LRP1B: variants seen among roughly 807,000 people sequenced by gnomAD.
The protein encoded by LRP1B is low-density lipoprotein receptor-related protein 1B.
In LRP1B, 217 loss-of-function variants were observed where a neutral mutation model predicts 556.6. The observed-to-expected ratio is 0.39, with a 90% CI of 0.35 to 0.44. The LOEUF (loss-of-function observed/expected upper bound fraction) is 0.44, where lower values mean the gene tolerates loss of function less well. Ranked by LOEUF, LRP1B falls within the 20% of genes least tolerant of loss-of-function variation. The pLI, the probability that LRP1B is intolerant of heterozygous loss-of-function variation, is 1.00. For synonymous variants in LRP1B, 2,047 were observed against 1,865.8 expected (o/e 1.10, Z -2.50); for missense variants, 5,053 against 5,620.8 (o/e 0.90, Z 3.23).
chr2:141,532,131 T>TGAGCTACA (rs1360264090), intron 2 of LRP1B, among the ~76,000 whole-genome samples: 1 of 152,180 alleles, frequency 6.6e-6, no homozygotes, highest in Non-Finnish European at 1.5e-5. Flanking sequence ...CTCAACTAAT[T>TGAGCTACA]GTATTGTTGG....
chr2:141,271,784 A>AC (rs34286733), intron 3 of LRP1B, among the ~76,000 whole-genome samples: 2,204 of 148,092 alleles, frequency 0.015, 25 homozygotes, highest in Middle Eastern at 0.036. Context: ...AAAAAAAAAA[A>AC]CCCAGGATTG....
At chr2:141,597,802 G>A (rs1687577470) in intron 2 of LRP1B, among the ~76,000 whole-genome samples, 1 of 151,782 alleles carries the variant, frequency 6.6e-6, no homozygotes, top group South Asian at 2.1e-4. Flanking sequence ...ATATTTAAAT[G>A]ATGAACAGTC....
At chr2:141,684,197 C>T (rs1217465499) in intron 2 of LRP1B, among the ~76,000 whole-genome samples, 1 of 152,012 alleles carries the variant, frequency 6.6e-6, no homozygotes, top group Non-Finnish European at 1.5e-5. Context: ...AGACTTGGAA[C>T]CAACCCAAAT....
At chr2:141,055,086 G>T (rs190790010) in intron 10 of LRP1B, 30 bp downstream of exon 10, 1 of 1,609,406 alleles carries the variant, frequency 6.2e-7, no homozygotes, top group Non-Finnish European at 8.5e-7. Flanking sequence ...AGGGGTAGCT[G>T]CTGGCAAATG....
chr2:140,606,669 A>G (rs1369258315), intron 41 of LRP1B, among the ~76,000 whole-genome samples: 3 of 152,090 alleles, frequency 2.0e-5, no homozygotes, highest in Non-Finnish European at 4.4e-5. Context: ...AGCTACATGT[A>G]CCAGAAAAGT....
chr2:140,980,766 A>G (rs1420006524), intron 18 of LRP1B, among the ~76,000 whole-genome samples: 2 of 152,224 alleles, frequency 1.3e-5, no homozygotes, highest in African/African-American at 4.8e-5. Context: ...AACAGAAGCC[A>G]TTATATGAAA....
chr2:140,924,909 TC>T (rs1431019160), intron 20 of LRP1B, among the ~76,000 whole-genome samples: 1 of 152,116 alleles, frequency 6.6e-6, no homozygotes, highest in Non-Finnish European at 1.5e-5. Flanking sequence ...TTATTTAGTG[TC>T]TGCAGAGTGC....
chr2:141,549,330 C>G lies in LRP1B; in HGVS notation c.206-68797G>C, dbSNP rs377705667. Among the ~76,000 whole-genome samples, 9 of 152,148 alleles carry G rather than the reference C, an allele frequency of 5.9e-5. No individual in the cohort carries two copies. The East Asian group carries it at 1.7e-3, about 29-fold the overall frequency. On this transcript the variant is annotated intron_variant, in intron 2 of 90. Coordinates refer to ENST00000389484, the MANE Select transcript of LRP1B (RefSeq NM_018557.3). ...AGGATAGAAGCTGGCACAAAGTGAG[C>G]CCTCACTGTTAGCTAATTTTCAGAT...
intron 2 of LRP1B, among the ~76,000 whole-genome samples, chr2:141,743,850 C>T (rs1341522187): frequency 6.6e-6 from 1 of 151,802 alleles, no homozygotes; most frequent in African/African-American, 2.4e-5. Flanking sequence ...AGTTGTAATG[C>T]CTCTTTTTTC....
chr2:141,911,487 T>A (rs887637849), intron 1 of LRP1B, among the ~76,000 whole-genome samples: 1 of 152,192 alleles, frequency 6.6e-6, no homozygotes, highest in African/African-American at 2.4e-5. Flanking sequence ...ACCCAGCCAG[T>A]TCCAAACTCA....
intron 2 of LRP1B, among the ~76,000 whole-genome samples, chr2:141,777,603 C>G (rs540560933): frequency 2.6e-5 from 4 of 151,850 alleles, no homozygotes; most frequent in Non-Finnish European, 4.4e-5. Flanking sequence ...TTAGTAGAGA[C>G]GGAGTTTCAC....
chr2:140,630,265 G>T (rs903451782), intron 41 of LRP1B, among the ~76,000 whole-genome samples: 1 of 152,200 alleles, frequency 6.6e-6, no homozygotes, highest in East Asian at 1.9e-4. Context: ...AGCCACAGTA[G>T]AAGAGCATAG....
chr2:141,941,354 A>T (rs932488733), intron 1 of LRP1B, among the ~76,000 whole-genome samples: 12 of 152,140 alleles, frequency 7.9e-5, no homozygotes, highest in African/African-American at 2.7e-4. Context: ...TTGATGGTGT[A>T]TTTGCTAATT....
chr2:141,522,791 C>T (rs766082988), intron 2 of LRP1B, among the ~76,000 whole-genome samples: 4 of 152,244 alleles, frequency 2.6e-5, no homozygotes, highest in Non-Finnish European at 5.9e-5. Context: ...TTGGCAGGTT[C>T]TTTTGCCCTC....
chr2:141,122,800 T>C (rs373290914), intron 7 of LRP1B, among the ~76,000 whole-genome samples: 1 of 152,114 alleles, frequency 6.6e-6, no homozygotes, highest in Non-Finnish European at 1.5e-5. Context: ...CACATGCACA[T>C]GTATGTTTAT....
At chr2:140,512,404 T>C (rs1158998031) in intron 51 of LRP1B, among the ~76,000 whole-genome samples, 1 of 152,186 alleles carries the variant, frequency 6.6e-6, no homozygotes, top group Admixed American at 6.5e-5. Flanking sequence ...TCTGGAGATA[T>C]ACTGCCTTTC....
chr2:140,766,859 T>TATATAATATATATATATA lies in LRP1B; in HGVS notation c.5758+2353_5758+2354insTATATATATATATTATAT, dbSNP rs1689136998. Among the ~76,000 whole-genome samples the TATATAATATATATATATA allele has an allele frequency of 4.1e-3, 207 of 50,136 alleles. 1 individual carries two copies. Among genetic ancestry groups the TATATAATATATATATATA allele is most frequent in the Middle Eastern group, 0.011 (1 of 92 alleles). The allele number at this position is 50,136 out of a possible 152,430, so 32.9% of individuals were successfully genotyped here. A position where few individuals can be genotyped will look rare whatever the true frequency, so the allele number is the denominator to read the frequency against. ...TATATATATATTATATATATATATA[T>TATATAATATATATATATA]ATATATAATATATATAACATATGAT... is the stretch of plus-strand genomic sequence containing the variant. On this transcript the variant is annotated intron_variant, in intron 35 of 90. Transcript: ENST00000389484.
chr2:141,712,493 G>A (rs1692399958), intron 2 of LRP1B, among the ~76,000 whole-genome samples: 1 of 151,996 alleles, frequency 6.6e-6, no homozygotes, highest in Non-Finnish European at 1.5e-5. Context: ...TCCTGAGCAA[G>A]CCACCATTGA....
chr2:141,544,337 C>CTTCTTCCTCTTCTTCTTCTTCTTCTT (rs1685433230), intron 2 of LRP1B, among the ~76,000 whole-genome samples: 1 of 67,172 alleles, frequency 1.5e-5, no homozygotes, highest in African/African-American at 5.7e-5. Context: ...TCTTCTTCTT[C>CTTCTTCCTCTTCTTCTTCTTCTTCTT]TTCTTCTTCT....
Sources: gnomAD v4.1 joint callset for allele counts (sites outside exome capture counted in the v4.1 genomes callset) on GRCh38, gnomAD v4.1.1 for gene constraint, MANE v1.5 for transcripts, NCBI Gene and HGNC (gene_info 2026-07-23, HGNC 2026-07-21) for gene names.